Variants in VGLL4 observed in about 807,000 individuals in gnomAD.
VGLL4 encodes transcription cofactor vestigial-like protein 4.
In VGLL4, 7 loss-of-function variants were observed where a neutral mutation model predicts 21.0. The ratio of observed to expected loss-of-function variants is 0.33; its 90% CI spans 0.19 to 0.63. The LOEUF is 0.63. VGLL4 is among the 20% of genes least tolerant of loss of function. The pLI, the probability that VGLL4 is intolerant of heterozygous loss-of-function variation, is 0.78. For synonymous variants in VGLL4, 222 were observed against 173.2 expected (o/e 1.28, Z -2.21); for missense variants, 394 against 425.7 (o/e 0.93, Z 0.66).
At chr3:11,622,523 A>G (rs186363773) in intron 1 of VGLL4, among the ~76,000 whole-genome samples, 6 of 152,334 alleles carry the variant, frequency 3.9e-5, no homozygotes, top group Non-Finnish European at 7.3e-5. Context: ...AACTGCTCCC[A>G]TGCTAGAATG....
upstream of VGLL4, chr3:11,643,978 G>A (rs937298916): frequency 2.0e-6 from 2 of 990,540 alleles, no homozygotes; most frequent in Non-Finnish European, 2.4e-6. Flanking sequence ...TGCTCACTGC[G>A]CCGCGCTGCC....
chr3:11,583,281 A>C (rs186979073), intron 2 of VGLL4, among the ~76,000 whole-genome samples: 2 of 151,758 alleles, frequency 1.3e-5, no homozygotes, highest in Admixed American at 1.3e-4. Flanking sequence ...ATTATAAAAG[A>C]CAAGATAAAA....
intron 2 of VGLL4, among the ~76,000 whole-genome samples, chr3:11,598,081 C>T (rs998029559): frequency 6.6e-6 from 1 of 151,924 alleles, no homozygotes; most frequent in Admixed American, 6.6e-5. Flanking sequence ...GCTAGTGCAA[C>T]GGCATGATCT....
chr3:11,720,091 C>G (rs893428700), intron 1 of VGLL4, among the ~76,000 whole-genome samples: 5 of 152,140 alleles, frequency 3.3e-5, no homozygotes, highest in Non-Finnish European at 5.9e-5. Context: ...GGACAGCGCA[C>G]GGGACGCCGA....
intron 1 of VGLL4, among the ~76,000 whole-genome samples, chr3:11,616,270 A>C (rs1318092676): frequency 6.6e-6 from 1 of 151,788 alleles, no homozygotes; most frequent in Non-Finnish European, 1.5e-5. Flanking sequence ...TGCAAGCCTC[A>C]CCTTCTTCAA....
intron 1 of VGLL4, among the ~76,000 whole-genome samples, chr3:11,711,986 A>G (rs2076853134): frequency 6.6e-6 from 1 of 152,158 alleles, no homozygotes. Flanking sequence ...TCCTCCCCAG[A>G]GTGTCCGGTG....
At chr3:11,559,265 C>A in intron 4 of VGLL4, 67 bp downstream of exon 4, 1 of 1,466,332 alleles carries the variant, frequency 6.8e-7, no homozygotes, top group Non-Finnish European at 9.0e-7. Flanking sequence ...CAGCCAACAG[C>A]ATGACAGAGA....
chr3:11,696,167 A>C (rs1245660869), intron 2 of VGLL4, among the ~76,000 whole-genome samples: 1 of 152,190 alleles, frequency 6.6e-6, no homozygotes, highest in African/African-American at 2.4e-5. Context: ...ACCAGACTCA[A>C]CACCAAGACT....
chr3:11,648,970 CTG>C (rs1210682528), intron 2 of VGLL4, among the ~76,000 whole-genome samples: 1 of 152,350 alleles, frequency 6.6e-6, no homozygotes, highest in East Asian at 1.9e-4. Flanking sequence ...ACACACTAGA[CTG>C]TTTTATGAAA....
intron 1 of VGLL4, among the ~76,000 whole-genome samples, chr3:11,626,058 A>AGCAAGCAC (rs1432703388): frequency 1.4e-4 from 21 of 152,246 alleles, no homozygotes; most frequent in Admixed American, 5.9e-4. Context: ...ATTATATCTC[A>AGCAAGCAC]GCAAAGCTGT....
chr3:11,594,607 A>G (rs560997667), intron 2 of VGLL4, among the ~76,000 whole-genome samples: 2 of 152,332 alleles, frequency 1.3e-5, no homozygotes, highest in South Asian at 4.1e-4. Flanking sequence ...CACAACCGAT[A>G]TGAATTTACC....
At chr3:11,668,243 T>C (rs1228185885) in intron 2 of VGLL4, among the ~76,000 whole-genome samples, 2 of 152,166 alleles carry the variant, frequency 1.3e-5, no homozygotes, top group Non-Finnish European at 2.9e-5. Flanking sequence ...ACCCCAAGAC[T>C]AGTATTTTGG....
intron 3 of VGLL4, among the ~76,000 whole-genome samples, chr3:11,563,612 A>T (rs978215520): frequency 6.6e-6 from 1 of 152,220 alleles, no homozygotes; most frequent in African/African-American, 2.4e-5. Flanking sequence ...TAAAACGTTG[A>T]AATGAACAGC....
At chr3:11,685,588 G>GTGTTAT (rs1453032973) in intron 2 of VGLL4, among the ~76,000 whole-genome samples, 1 of 152,202 alleles carries the variant, frequency 6.6e-6, no homozygotes, top group Non-Finnish European at 1.5e-5. Context: ...ACATTCACAT[G>GTGTTAT]TGTCTTTATG....
chr3:11,645,355 C>T (rs954684670), upstream of VGLL4, among the ~76,000 whole-genome samples: 5 of 151,246 alleles, frequency 3.3e-5, no homozygotes, highest in African/African-American at 1.2e-4. Context: ...CTTTGGGAGG[C>T]CGAGGCGGGT....
intron 2 of VGLL4, among the ~76,000 whole-genome samples, chr3:11,696,879 C>T (rs1432310795): frequency 1.3e-5 from 2 of 152,116 alleles, no homozygotes; most frequent in Non-Finnish European, 2.9e-5. Flanking sequence ...GCTGGGACCC[C>T]GCCGGGTATG....
intron 1 of VGLL4, among the ~76,000 whole-genome samples, chr3:11,643,139 A>T (rs2290308): frequency 0.012 from 1,899 of 152,298 alleles, 18 homozygotes; most frequent in South Asian, 0.046. Flanking sequence ...TATTAACGGA[A>T]ATCAAAAATA....
At chr3:11,669,524 G>A (rs1343204424) in intron 2 of VGLL4, among the ~76,000 whole-genome samples, 1 of 152,132 alleles carries the variant, frequency 6.6e-6, no homozygotes, top group Non-Finnish European at 1.5e-5. Flanking sequence ...TGATGAAGAT[G>A]GGCAATGCAA....
chr3:11,582,781 G>A lies in VGLL4; in HGVS notation c.273-17762C>T, dbSNP rs973298334. 2.9e-4 allele frequency among the ~76,000 whole-genome samples: 44 copies of A among 152,320 alleles called. 1 individual carries two copies. Among genetic ancestry groups the A allele is most frequent in the African/African-American group, 1.0e-3 (43 of 41,566 alleles). ...GCAGGGCTGCAGCCGGCCCCTCAGA[G>A]AAGGAATGCCAGAAATCCCCTATTC... On this transcript the variant is annotated intron_variant, in intron 2 of 4. Coordinates refer to ENST00000430365, the MANE Select transcript of VGLL4 (RefSeq NM_001128219.3).
Sources: allele counts gnomAD v4.1 joint callset (sites outside exome capture counted in the v4.1 genomes callset), GRCh38; gene constraint gnomAD v4.1.1; transcripts MANE v1.5; gene names NCBI Gene and HGNC (gene_info 2026-07-23, HGNC 2026-07-21).